Variants in BAG3 observed in about 807,000 individuals in gnomAD.
The protein encoded by BAG3 is BAG family molecular chaperone regulator 3.
Under a neutral mutation model 40.5 loss-of-function variants are expected in BAG3, and 14 were observed. The observed-to-expected ratio is 0.35, with a 90% CI of 0.23 to 0.54. The LOEUF (loss-of-function observed/expected upper bound fraction) is 0.54, where lower values mean the gene tolerates loss of function less well. Ranked by LOEUF, BAG3 falls within the 20% of genes least tolerant of loss-of-function variation. BAG3 has a pLI of 0.91. For synonymous variants in BAG3, 302 were observed against 307.8 expected, an observed-to-expected ratio of 0.98 and a Z score of 0.20; for missense variants, 788 against 758.6, an observed-to-expected ratio of 1.04 and a Z score of -0.46.
intron 1 of BAG3, among the ~76,000 whole-genome samples, chr10:119,661,731 C>T (rs753534484): frequency 2.6e-5 from 4 of 152,008 alleles, no homozygotes; most frequent in Non-Finnish European, 5.9e-5. Context: ...CACCTCTTGT[C>T]TTACCAGGAG....
intron 3 of BAG3, among the ~76,000 whole-genome samples, chr10:119,673,769 T>C (rs1390353890): frequency 1.3e-5 from 2 of 152,244 alleles, no homozygotes; most frequent in Non-Finnish European, 2.9e-5. Flanking sequence ...GCCCCACATA[T>C]ACTTCATCCA....
intron 1 of BAG3, among the ~76,000 whole-genome samples, chr10:119,654,257 G>A (rs898100064): frequency 2.6e-5 from 4 of 152,176 alleles, no homozygotes; most frequent in Admixed American, 1.3e-4. Flanking sequence ...AACAAAGGGC[G>A]ATTTTGGAGG....
intron 1 of BAG3, 121 bp downstream of exon 1, chr10:119,651,976 C>T (rs1846848628): frequency 1.2e-6 from 1 of 854,212 alleles, no homozygotes; most frequent in Non-Finnish European, 1.5e-6. Flanking sequence ...AGGCCCCTCG[C>T]GGGCGGACAC....
At chr10:119,676,120 G>A (rs1440021789) in intron 3 of BAG3, among the ~76,000 whole-genome samples, 1 of 150,764 alleles carries the variant, frequency 6.6e-6, no homozygotes, top group African/African-American at 2.4e-5. Context: ...TAGGGTTGGG[G>A]TCTTACTATA....
intron 1 of BAG3, among the ~76,000 whole-genome samples, chr10:119,665,141 T>TTTTC (rs770421648): frequency 0.12 from 10,051 of 85,426 alleles, 1,079 homozygotes; most frequent in East Asian, 0.22. Flanking sequence ...TATATATATA[T>TTTTC]ATATTTTTTT....
At chr10:119,652,279 C>T (rs1201232674) in intron 1 of BAG3, among the ~76,000 whole-genome samples, 1 of 152,146 alleles carries the variant, frequency 6.6e-6, no homozygotes, top group Non-Finnish European at 1.5e-5. Context: ...GGACCCGCGG[C>T]GCACCCTGCT....
intron 3 of BAG3, among the ~76,000 whole-genome samples, chr10:119,674,718 T>G (rs1203398958): frequency 2.0e-5 from 3 of 152,140 alleles, no homozygotes; most frequent in Admixed American, 2.0e-4. Flanking sequence ...CCTGTAATCC[T>G]AGCACTTTGG....
intron 1 of BAG3, among the ~76,000 whole-genome samples, chr10:119,665,116 G>T (rs1248488822): frequency 1.3e-5 from 1 of 78,104 alleles, no homozygotes; most frequent in African/African-American, 4.7e-5. Flanking sequence ...GTGTGTGTGT[G>T]TGTGTGTGTG....
At chr10:119,660,910 A>T (rs897418119) in intron 1 of BAG3, among the ~76,000 whole-genome samples, 1 of 151,940 alleles carries the variant, frequency 6.6e-6, no homozygotes, top group Non-Finnish European at 1.5e-5. Flanking sequence ...CCTGGCCAAC[A>T]TGGTGAAACC....
chr10:119,672,392 C>G lies in BAG3; in HGVS notation c.645C>G (p.Asn215Lys), dbSNP rs138078305. Residue 215 changes from asparagine to lysine, a missense_variant, in exon 3 of 4, where the codon AAC (asparagine) becomes AAG (lysine). Transcript: ENST00000369085. The surrounding 1 kb of genome is among the most constrained non-coding windows in gnomAD (Gnocchi z 4.8). ...YISIPVIHEQ[N>K]VTRPAAQPSF... ...CCATTCCGGTGATACACGAGCAGAA[C>G]GTTACCCGGCCAGCAGCCCAGCCCT... 1 of 1,614,036 alleles carries G rather than the reference C, an allele frequency of 6.2e-7. No homozygotes were observed. Among genetic ancestry groups the G allele is most frequent in the African/African-American group, 1.3e-5 (1 of 74,924 alleles).
intron 1 of BAG3, among the ~76,000 whole-genome samples, chr10:119,660,665 G>A (rs2134056589): frequency 6.6e-6 from 1 of 152,122 alleles, no homozygotes; most frequent in East Asian, 1.9e-4. Context: ...GGGCCCCATA[G>A]TGAGACCTTG....
In BAG3 at chr10:119,672,267, C is replaced by T. The variant is rs1472073020; in HGVS notation, c.520C>T (p.Pro174Ser). The T allele has an allele frequency of 1.5e-5, 25 of 1,613,460 alleles. No homozygotes were observed. The highest frequency in any genetic ancestry group is 1.9e-5 in the Non-Finnish European group (23 of 1,180,036). ...GTGTCTCTTGCAGCGGTCCCAGTCTCCAGCTGCCTCTGACTGCTCATCCTC... is the reference window on the plus strand; with the variant it reads ...GTGTCTCTTGCAGCGGTCCCAGTCTTCAGCTGCCTCTGACTGCTCATCCTC... ...ASHGPERSQSPAASDCSSSSS... is the reference protein window; with the variant it reads ...ASHGPERSQSSAASDCSSSSS... The change falls in exon 3 of 4, where the codon CCA (proline) becomes TCA (serine). Residue 174 changes from proline to serine, a missense_variant. Pro to Ser is a moderately conservative substitution (Grantham distance 74). Transcript: ENST00000369085. This position sits in a 1 kb window ranked among gnomAD's most constrained non-coding sequence, Gnocchi z 4.8.
At chr10:119,665,696 G>A (rs1047834949) in intron 1 of BAG3, among the ~76,000 whole-genome samples, 3 of 152,138 alleles carry the variant, frequency 2.0e-5, no homozygotes, top group African/African-American at 7.2e-5. Flanking sequence ...CATTACGGGT[G>A]GGAGTTTCAT....
At chr10:119,660,524 A>G (rs1846978489) in intron 1 of BAG3, among the ~76,000 whole-genome samples, 2 of 152,184 alleles carry the variant, frequency 1.3e-5, no homozygotes, top group Admixed American at 6.5e-5. Context: ...CTGTCTTACT[A>G]CCAACTTGGT....
Position 119,672,313 on chromosome 10 carries a change from C to T in BAG3, c.566C>T (p.Pro189Leu). The T allele has an allele frequency of 6.2e-7, 1 of 1,614,082 alleles. No individual in the cohort carries two copies. The highest frequency in any genetic ancestry group is 8.5e-7 in the Non-Finnish European group (1 of 1,180,016). ...TCCTCATCCTCCTCGGCCAGCCTGC[C>T]TTCCTCCGGCAGGAGCAGCCTGGGC... ...CSSSSSSASL[P>L]SSGRSSLGSH... The change falls in exon 3 of 4, where the codon CCT becomes CTT. Residue 189 changes from proline to leucine, a missense_variant. Physicochemically the swap from Pro to Leu is moderately conservative, Grantham distance 98. Coordinates refer to ENST00000369085, the MANE Select transcript of BAG3 (RefSeq NM_004281.4). The surrounding 1 kb of genome is among the most constrained non-coding windows in gnomAD (Gnocchi z 4.8).
chr10:119,661,374 A>G (rs1846990169), intron 1 of BAG3, among the ~76,000 whole-genome samples: 3 of 152,206 alleles, frequency 2.0e-5, no homozygotes, highest in Admixed American at 6.5e-5. Flanking sequence ...AACTCTTGCA[A>G]AAACCCCTGG....
In BAG3 at chr10:119,677,510, AC is replaced by A; in HGVS notation, c.*232del. 1 of 599,622 alleles carries A rather than the reference AC, an allele frequency of 1.7e-6. No homozygotes were observed. The highest frequency in any genetic ancestry group is 2.8e-6 in the Non-Finnish European group (1 of 352,968). 37.1% of individuals were successfully genotyped at this position (599,622 alleles called of 1,614,324 possible). ...AGTTGCTTGTTGTTTGAGAAGTTTA[AC>A]CCCGTTGCTTGTTGTTCTGCAGCCC... is the stretch of plus-strand genomic sequence containing the variant. On this transcript the variant is annotated 3_prime_UTR_variant, in exon 4 of 4. Transcript: ENST00000369085.
chr10:119,670,905 T>A (rs1368322133), intron 2 of BAG3, among the ~76,000 whole-genome samples: 1 of 152,230 alleles, frequency 6.6e-6, no homozygotes, highest in African/African-American at 2.4e-5. Context: ...TCCTGTGGTG[T>A]GTGCCAGCGT....
intron 1 of BAG3, 45 bp downstream of exon 1, chr10:119,651,900 A>C: frequency 6.9e-7 from 1 of 1,447,364 alleles, no homozygotes; most frequent in Non-Finnish European, 9.2e-7. Context: ...CGCCACCTCG[A>C]CGGCAGGCGG....
Sources: gnomAD v4.1 joint callset for allele counts (sites outside exome capture counted in the v4.1 genomes callset) on GRCh38, gnomAD v4.1.1 for gene constraint, Gnocchi (gnomAD v3.1) non-coding constraint, MANE v1.5 for transcripts, NCBI Gene and HGNC (gene_info 2026-07-23, HGNC 2026-07-21) for gene names.